Variants in SIPA1L2 observed in about 807,000 individuals in gnomAD.
SIPA1L2 encodes signal-induced proliferation-associated 1-like protein 2.
SIPA1L2 carries 56 observed loss-of-function variants against 163.9 expected under a neutral mutation model. The ratio of observed to expected loss-of-function variants is 0.34; its 90% CI spans 0.28 to 0.43. The LOEUF (loss-of-function observed/expected upper bound fraction) is 0.43, where lower values mean the gene tolerates loss of function less well. Ranked by LOEUF, SIPA1L2 falls within the 20% of genes least tolerant of loss-of-function variation. The pLI, the probability that SIPA1L2 is intolerant of heterozygous loss-of-function variation, is 1.00. For missense variants in SIPA1L2, 1,974 were observed against 2,193.5 expected, an observed-to-expected ratio of 0.90 and a Z score of 2.00; for synonymous variants, 877 against 865.7, an observed-to-expected ratio of 1.01 and a Z score of -0.23.
chr1:232,442,067 T>A (rs997176882), intron 12 of SIPA1L2, among the ~76,000 whole-genome samples, 199 bp from the exon 13 acceptor site: 2 of 152,072 alleles, frequency 1.3e-5, no homozygotes, highest in African/African-American at 4.8e-5. Context: ...GGATCTGGTT[T>A]AACCAGAGGG....
chr1:232,542,378 C>A (rs545142385), intron 2 of SIPA1L2, among the ~76,000 whole-genome samples: 6 of 152,254 alleles, frequency 3.9e-5, no homozygotes, highest in African/African-American at 1.4e-4. Flanking sequence ...TCCAGTAGCT[C>A]AAATAAGATG....
chr1:232,606,538 G>C (rs1466961860), intron 1 of SIPA1L2, among the ~76,000 whole-genome samples: 3 of 151,692 alleles, frequency 2.0e-5, no homozygotes, highest in Admixed American at 2.0e-4. Context: ...TTGTCAAGGA[G>C]AGGTACTTGT....
chr1:232,449,250 G>A (rs1335821839), intron 10 of SIPA1L2, among the ~76,000 whole-genome samples: 4 of 152,290 alleles, frequency 2.6e-5, no homozygotes, highest in East Asian at 3.9e-4. Flanking sequence ...CGGGCGCGGT[G>A]GCTCACGCCT....
Position 232,465,815 on chromosome 1 carries a change from A to G in SIPA1L2, c.2244-399T>C, listed in dbSNP as rs553141776. Reference sequence around the variant, plus strand: ...ATTCGGGTGGGCCCTAATCCAACTGACTGGTGTCCTTATAAGAGGAGAAAA... The same window carrying G: ...ATTCGGGTGGGCCCTAATCCAACTGGCTGGTGTCCTTATAAGAGGAGAAAA... On this transcript the variant is annotated intron_variant, in intron 8 of 22. Transcript: ENST00000674635. The surrounding 1 kb of genome is among the most constrained non-coding windows in gnomAD (Gnocchi z 4.1). Among the ~76,000 whole-genome samples the G allele has an allele frequency of 6.6e-6, 1 of 151,748 alleles. No homozygotes were observed. Among genetic ancestry groups the G allele is most frequent in the Non-Finnish European group, 1.5e-5 (1 of 67,928 alleles).
intron 19 of SIPA1L2, among the ~76,000 whole-genome samples, chr1:232,414,937 A>G (rs909915666): frequency 7.2e-5 from 11 of 152,276 alleles, no homozygotes; most frequent in Admixed American, 6.5e-4. Context: ...TGGCAGCTGG[A>G]TGGCTCTTAG....
At chr1:232,447,365 T>C (rs1457153189) in intron 10 of SIPA1L2, among the ~76,000 whole-genome samples, 1 of 152,254 alleles carries the variant, frequency 6.6e-6, no homozygotes, top group Non-Finnish European at 1.5e-5. Context: ...CTGGCTGATC[T>C]GCTCCAGCCC....
At chr1:232,574,384 T>A (rs1019757443) in intron 1 of SIPA1L2, among the ~76,000 whole-genome samples, 162 bp from the exon 2 acceptor site, 12 of 152,198 alleles carry the variant, frequency 7.9e-5, no homozygotes, top group Admixed American at 4.6e-4. Flanking sequence ...CTCTCCCCAG[T>A]GTTCGATGGA....
In SIPA1L2 at chr1:232,428,524, G is replaced by A; in HGVS notation, c.4297C>T (p.His1433Tyr). 1 of 1,591,064 alleles carries A rather than the reference G, an allele frequency of 6.3e-7. No homozygotes were observed. The highest frequency in any genetic ancestry group is 1.8e-5 in the Admixed American group (1 of 55,144). Residue 1433 changes from histidine to tyrosine, a missense_variant, in exon 17 of 23, where the codon CAT becomes TAT. His to Tyr is a moderately conservative substitution (Grantham distance 83). Coordinates refer to ENST00000674635, the MANE Select transcript of SIPA1L2 (RefSeq NM_020808.5). ...EMDVMSTATQ[H>Y]QTVVGDAVAE... Reference sequence around the variant, plus strand: ...ACAGCATCTCCCACCACTGTCTGATGCTGAGTTGCTGTGGACATGACATCC... The same window carrying A: ...ACAGCATCTCCCACCACTGTCTGATACTGAGTTGCTGTGGACATGACATCC...
At chr1:232,511,210 T>C (rs1481696552) in intron 3 of SIPA1L2, among the ~76,000 whole-genome samples, 1 of 152,214 alleles carries the variant, frequency 6.6e-6, no homozygotes, top group Non-Finnish European at 1.5e-5. Flanking sequence ...CAGGATTCTT[T>C]GATTCCACTG....
intron 8 of SIPA1L2, among the ~76,000 whole-genome samples, chr1:232,469,185 A>G (rs1664677789): frequency 6.6e-6 from 1 of 152,236 alleles, no homozygotes; most frequent in African/African-American, 2.4e-5. Context: ...CGCGTCAGCA[A>G]GAATACGCTG....
At chr1:232,542,537 A>T (rs1657748371) in intron 2 of SIPA1L2, among the ~76,000 whole-genome samples, 1 of 152,108 alleles carries the variant, frequency 6.6e-6, no homozygotes, top group African/African-American at 2.4e-5. Context: ...AACCTGCAAA[A>T]ATCTTCACTT....
intron 1 of SIPA1L2, among the ~76,000 whole-genome samples, chr1:232,584,228 C>T (rs1660532941): frequency 6.6e-6 from 1 of 152,114 alleles, no homozygotes; most frequent in Admixed American, 6.6e-5. Flanking sequence ...TCCTTTTAGT[C>T]CAATCTTTTT....
chr1:232,533,253 A>T (rs1336560627), intron 2 of SIPA1L2, among the ~76,000 whole-genome samples: 1 of 152,208 alleles, frequency 6.6e-6, no homozygotes, highest in Non-Finnish European at 1.5e-5. Context: ...TCCACAGGGT[A>T]AAAAAATAAT....
intron 2 of SIPA1L2, among the ~76,000 whole-genome samples, chr1:232,531,843 A>T (rs528781640): frequency 6.6e-6 from 1 of 152,268 alleles, no homozygotes; most frequent in African/African-American, 2.4e-5. Context: ...AGGATGAGGA[A>T]ATCAGCCACA....
At chr1:232,619,458 A>C (rs1351727832) in intron 1 of SIPA1L2, among the ~76,000 whole-genome samples, 2 of 152,244 alleles carry the variant, frequency 1.3e-5, no homozygotes, top group African/African-American at 4.8e-5. Flanking sequence ...ATCACCTAAT[A>C]AGGTAGCCCA....
chr1:232,565,746 T>C (rs981807631), intron 2 of SIPA1L2, among the ~76,000 whole-genome samples: 22 of 152,178 alleles, frequency 1.4e-4, no homozygotes, highest in Admixed American at 8.5e-4. Flanking sequence ...AACAAACTTT[T>C]AAACTGGGTG....
intron 2 of SIPA1L2, among the ~76,000 whole-genome samples, chr1:232,543,129 C>T (rs2103113572): frequency 6.6e-6 from 1 of 152,318 alleles, no homozygotes; most frequent in East Asian, 1.9e-4. Context: ...CACAGGACAG[C>T]CTGTGACTAT....
chr1:232,424,718 A>G (rs182672174), intron 18 of SIPA1L2, among the ~76,000 whole-genome samples: 1 of 152,308 alleles, frequency 6.6e-6, no homozygotes, highest in Admixed American at 6.5e-5. Context: ...TTCATTTCCA[A>G]TTATGTTAAA....
chr1:232,625,983 G>A (rs984460495), intron 1 of SIPA1L2, among the ~76,000 whole-genome samples: 2 of 152,184 alleles, frequency 1.3e-5, no homozygotes, highest in Non-Finnish European at 2.9e-5. Flanking sequence ...AAGTGTCTGT[G>A]TGGGGATAGA....
Sources: gnomAD v4.1 joint callset for allele counts (sites outside exome capture counted in the v4.1 genomes callset) on GRCh38, gnomAD v4.1.1 for gene constraint, Gnocchi (gnomAD v3.1) non-coding constraint, MANE v1.5 for transcripts, NCBI Gene and HGNC (gene_info 2026-07-23, HGNC 2026-07-21) for gene names.